Variants in MYOF observed in about 807,000 individuals in gnomAD.
MYOF encodes the protein fer-1-like 3, myoferlin.
In MYOF, 244 loss-of-function variants were observed where a neutral mutation model predicts 284.2. The ratio of observed to expected loss-of-function variants is 0.86; its 90% CI spans 0.77 to 0.95. MYOF has a LOEUF of 0.95. MYOF is among the 40% of genes least tolerant of loss of function. The pLI, the probability that MYOF is intolerant of heterozygous loss-of-function variation, is 0.00. For missense variants in MYOF, 2,496 were observed against 2,560.6 expected (o/e 0.97, Z 0.54); for synonymous variants, 904 against 919.7 (o/e 0.98, Z 0.31).
chr10:93,474,189 T>C (rs2057210212), intron 1 of MYOF, among the ~76,000 whole-genome samples: 1 of 152,168 alleles, frequency 6.6e-6, no homozygotes, highest in African/African-American at 2.4e-5. Context: ...ATGAGCTCCA[T>C]CTGTGCTGAG....
intron 39 of MYOF, chr10:93,338,620 G>T: frequency 2.3e-6 from 1 of 426,460 alleles, no homozygotes; most frequent in Non-Finnish European, 4.7e-6. Context: ...CGAAAGGCAG[G>T]AGGCATCATG....
At chr10:93,414,469 G>A (rs1848035511) in intron 5 of MYOF, among the ~76,000 whole-genome samples, 1 of 152,070 alleles carries the variant, frequency 6.6e-6, no homozygotes, top group South Asian at 2.1e-4. Flanking sequence ...AACCTGGAAG[G>A]CAGAGGTTGC....
chr10:93,346,313 T>C (rs945590534), intron 37 of MYOF, among the ~76,000 whole-genome samples: 1 of 152,232 alleles, frequency 6.6e-6, no homozygotes, highest in Non-Finnish European at 1.5e-5. Flanking sequence ...TACTCACACT[T>C]ATGAAAGTTT....
At chr10:93,338,681 G>C (rs965085866) in intron 39 of MYOF, among the ~76,000 whole-genome samples, 1 of 152,150 alleles carries the variant, frequency 6.6e-6, no homozygotes, top group Non-Finnish European at 1.5e-5. Flanking sequence ...CAATCAGTCT[G>C]GGGTGAGACC....
chr10:93,395,021 G>A (rs1411900772), intron 16 of MYOF, among the ~76,000 whole-genome samples: 3 of 151,844 alleles, frequency 2.0e-5, no homozygotes, highest in Non-Finnish European at 4.4e-5. Context: ...AACAAGATAA[G>A]GATGAGAGGA....
At chr10:93,441,830 T>G (rs1472473371) in intron 3 of MYOF, among the ~76,000 whole-genome samples, 1 of 152,150 alleles carries the variant, frequency 6.6e-6, no homozygotes, top group Non-Finnish European at 1.5e-5. Context: ...CCCAAAGTGC[T>G]AGAATTACAG....
intron 5 of MYOF, among the ~76,000 whole-genome samples, chr10:93,419,458 C>A (rs550726988): frequency 6.6e-6 from 1 of 151,538 alleles, no homozygotes; most frequent in African/African-American, 2.4e-5. Context: ...CCACCGTGCC[C>A]GGCCCCAAAA....
At chr10:93,472,591 A>G (rs2057173610) in intron 1 of MYOF, among the ~76,000 whole-genome samples, 1 of 152,198 alleles carries the variant, frequency 6.6e-6, no homozygotes, top group Admixed American at 6.5e-5. Flanking sequence ...GTGAGCCAAG[A>G]TGGCGCCATT....
intron 1 of MYOF, among the ~76,000 whole-genome samples, chr10:93,460,819 G>C (rs2056859346): frequency 6.6e-6 from 1 of 150,460 alleles, no homozygotes; most frequent in Non-Finnish European, 1.5e-5. Context: ...CCACAGGCCA[G>C]GTGCGGTGGC....
intron 1 of MYOF, among the ~76,000 whole-genome samples, chr10:93,481,559 CA>C (rs1214752488): frequency 1.3e-5 from 2 of 151,992 alleles, no homozygotes; most frequent in African/African-American, 4.8e-5. Flanking sequence ...ACAGAATGTA[CA>C]AAAAAAGCTC....
At chr10:93,433,703 G>T (rs530916445) in intron 3 of MYOF, among the ~76,000 whole-genome samples, 1 of 152,280 alleles carries the variant, frequency 6.6e-6, no homozygotes, top group African/African-American at 2.4e-5. Flanking sequence ...TTGTGGAAAT[G>T]CATTTTATTT....
chr10:93,447,489 T>A (rs1047695786), intron 3 of MYOF, among the ~76,000 whole-genome samples: 6 of 152,216 alleles, frequency 3.9e-5, no homozygotes, highest in Admixed American at 1.3e-4. Flanking sequence ...GAACTGGTTA[T>A]TTTTTGTAAC....
At chr10:93,420,719 T>C (rs1345057266) in intron 5 of MYOF, among the ~76,000 whole-genome samples, 1 of 152,180 alleles carries the variant, frequency 6.6e-6, no homozygotes, top group Admixed American at 6.5e-5. Flanking sequence ...CTGGCAGTGG[T>C]TATCTCAGGA....
At chr10:93,438,104 C>G (rs560211613) in intron 3 of MYOF, among the ~76,000 whole-genome samples, 1 of 152,146 alleles carries the variant, frequency 6.6e-6, no homozygotes, top group Non-Finnish European at 1.5e-5. Flanking sequence ...CCATCCCCCA[C>G]GTGATGTCCT....
rs1181618180 is a variant in MYOF, at chr10:93,353,818, G to A, written c.3474C>T (p.Ser1158=). ...AGATTTTTTTTCCTTTACCTGAAAA[G>A]CTATCCTTATCTAAAGCCAAGAGGT... ...ARNLLALDKD[S]FSDPYAHICF... Residue 1158 remains serine (S), a synonymous_variant, in exon 32 of 54, where the codon AGC becomes AGT. Coordinates refer to ENST00000359263, the MANE Select transcript of MYOF (RefSeq NM_013451.4). 1.3e-5 allele frequency: 21 copies of A among 1,607,538 alleles called. No homozygotes were observed. The East Asian group carries it at 4.7e-4, about 36-fold the overall frequency.
At position 93,340,183 on chromosome 10, in the gene MYOF, C is replaced by G; in HGVS notation, c.4327-19G>C. On this transcript the variant is annotated intron_variant, in intron 38 of 53. Transcript: ENST00000359263. ...CTGTCAGCTGCTCGTGCACATGTCC[C>G]GTGAGGAAGAGGGCAAACCATATAA... The G allele has an allele frequency of 1.2e-6, 2 of 1,613,888 alleles. No individual in the cohort carries two copies. The highest frequency in any genetic ancestry group is 1.7e-6 in the Non-Finnish European group (2 of 1,179,874).
At chr10:93,455,448 A>G (rs2134321864) in intron 2 of MYOF, among the ~76,000 whole-genome samples, 1 of 152,122 alleles carries the variant, frequency 6.6e-6, no homozygotes, top group Admixed American at 6.5e-5. Context: ...CAGGTGGATC[A>G]CTTGAGCTCA....
chr10:93,364,185 T>C, intron 26 of MYOF, 110 bp from the exon 27 acceptor site: 1 of 802,646 alleles, frequency 1.2e-6, no homozygotes, highest in East Asian at 2.5e-5. Flanking sequence ...ACCACTTCCC[T>C]CCTCGCTTTA....
intron 4 of MYOF, 103 bp from the exon 5 acceptor site, chr10:93,426,261 T>A: frequency 8.7e-7 from 1 of 1,154,688 alleles, no homozygotes; most frequent in African/African-American, 1.5e-5. Context: ...TTGGAAGGGG[T>A]AAGAGAGAGG....
Sources: allele counts gnomAD v4.1 joint callset (sites outside exome capture counted in the v4.1 genomes callset), GRCh38; gene constraint gnomAD v4.1.1; transcripts MANE v1.5; gene names NCBI Gene and HGNC (gene_info 2026-07-23, HGNC 2026-07-21).